Variants in ASB3 observed in about 807,000 individuals in gnomAD.
ASB3 encodes the protein ankyrin repeat and SOCS box protein 3.
Under a neutral mutation model 54.5 loss-of-function variants are expected in ASB3, and 41 were observed. The observed-to-expected ratio is 0.75, with a 90% CI of 0.59 to 0.98. The LOEUF is 0.98. ASB3 is among the 50% of genes least tolerant of loss of function. The pLI is 0.00. For missense variants in ASB3, 733 were observed against 620.0 expected, an observed-to-expected ratio of 1.18 and a Z score of -1.94; for synonymous variants, 266 against 221.2, an observed-to-expected ratio of 1.20 and a Z score of -1.80.
At chr2:53,778,900 C>A (rs1363240445) in intron 1 of ASB3, among the ~76,000 whole-genome samples, 1 of 152,140 alleles carries the variant, frequency 6.6e-6, no homozygotes, top group Non-Finnish European at 1.5e-5. Flanking sequence ...TAGGTAAATA[C>A]CCAGAAGTTG....
chr2:53,717,518 TGAAA>T (rs1417620541), intron 5 of ASB3, among the ~76,000 whole-genome samples: 2 of 151,634 alleles, frequency 1.3e-5, no homozygotes, highest in African/African-American at 4.8e-5. Context: ...AATATTATAG[TGAAA>T]GAAAGAAAAA....
intron 3 of ASB3, among the ~76,000 whole-genome samples, chr2:53,740,162 ATC>A (rs1262566920): frequency 4.6e-5 from 7 of 152,224 alleles, no homozygotes; most frequent in African/African-American, 1.7e-4. Context: ...TTTTAATGGT[ATC>A]TCTACTTTTT....
intron 3 of ASB3, among the ~76,000 whole-genome samples, chr2:53,738,539 A>G (rs1199369906): frequency 6.6e-6 from 1 of 152,224 alleles, no homozygotes; most frequent in East Asian, 1.9e-4. Context: ...ATCATAAGGG[A>G]CAATGTAGAT....
At chr2:53,753,139 T>C (rs1426701761) in intron 2 of ASB3, among the ~76,000 whole-genome samples, 2 of 152,094 alleles carry the variant, frequency 1.3e-5, no homozygotes, top group Non-Finnish European at 2.9e-5. Flanking sequence ...TACAAATATA[T>C]GTCATAACCA....
chr2:53,778,493 TC>T (rs1352729768), intron 1 of ASB3, among the ~76,000 whole-genome samples: 1 of 152,152 alleles, frequency 6.6e-6, no homozygotes, highest in Non-Finnish European at 1.5e-5. Flanking sequence ...GTGCAACATA[TC>T]TCAAAGAAAA....
intron 7 of ASB3, among the ~76,000 whole-genome samples, chr2:53,712,704 A>G (rs1378702903): frequency 6.6e-6 from 1 of 152,154 alleles, no homozygotes; most frequent in East Asian, 1.9e-4. Context: ...TTGTTCATCC[A>G]AAAGATAAGA....
At chr2:53,746,620 A>G (rs964948841) in intron 3 of ASB3, among the ~76,000 whole-genome samples, 1 of 151,988 alleles carries the variant, frequency 6.6e-6, no homozygotes, top group African/African-American at 2.4e-5. Context: ...CTCAGATTAC[A>G]GGCATGTGCC....
intron 3 of ASB3, among the ~76,000 whole-genome samples, chr2:53,732,933 C>A (rs1170495496): frequency 6.6e-6 from 1 of 152,190 alleles, no homozygotes. Flanking sequence ...GAAGAGGAGA[C>A]CCATAACTGT....
intron 2 of ASB3, among the ~76,000 whole-genome samples, chr2:53,762,450 A>G (rs995378600): frequency 6.6e-6 from 1 of 152,222 alleles, no homozygotes; most frequent in East Asian, 1.9e-4. Context: ...GCTGTGCTAC[A>G]ATGATTTATT....
intron 3 of ASB3, among the ~76,000 whole-genome samples, chr2:53,743,164 CTTTTTT>C (rs60857484): frequency 1.7e-5 from 2 of 117,852 alleles, no homozygotes; most frequent in Non-Finnish European, 3.5e-5. Context: ...ATTTTTTTAC[CTTTTTT>C]TTTTTTTTTT....
At chr2:53,682,376 G>A (rs1572835261) in intron 9 of ASB3, among the ~76,000 whole-genome samples, 1 of 152,050 alleles carries the variant, frequency 6.6e-6, no homozygotes, top group East Asian at 1.9e-4. Flanking sequence ...TTTCATTGTA[G>A]AGATCTCTCA....
chr2:53,686,232 G>T (rs1378214317), intron 9 of ASB3, among the ~76,000 whole-genome samples: 3 of 152,198 alleles, frequency 2.0e-5, no homozygotes, highest in African/African-American at 7.2e-5. Flanking sequence ...CTTCTGGATG[G>T]TTATTTTAAT....
intron 9 of ASB3, among the ~76,000 whole-genome samples, chr2:53,690,590 T>C (rs1200541102): frequency 1.3e-5 from 2 of 151,904 alleles, no homozygotes; most frequent in Non-Finnish European, 2.9e-5. Flanking sequence ...CCCAGTCACC[T>C]AGTGTCATTG....
intron 9 of ASB3, among the ~76,000 whole-genome samples, chr2:53,693,279 TTTTC>T (rs1420585154): frequency 1.3e-5 from 2 of 152,176 alleles, no homozygotes; most frequent in Non-Finnish European, 2.9e-5. Flanking sequence ...CCCCACTGTG[TTTTC>T]TTTCATTTTT....
At position 53,768,833 on chromosome 2, in the gene ASB3, G is replaced by A. The variant is rs143691224; in HGVS notation, c.-13-3248C>T. Among the ~76,000 whole-genome samples the A allele has an allele frequency of 2.6e-5, 4 of 152,268 alleles. No individual in the cohort carries two copies. In the East Asian group the frequency reaches 7.7e-4, roughly 29 times the overall value. On this transcript the variant is annotated intron_variant, in intron 1 of 9. Coordinates refer to ENST00000263634, the MANE Select transcript of ASB3 (RefSeq NM_016115.5). ...TGCTTATGCAAATCAGCTTTGTACT[G>A]GCTACAAAACAACTAATCCATAAAG...
At chr2:53,720,649 C>A (rs1670654127) in intron 5 of ASB3, among the ~76,000 whole-genome samples, 1 of 152,108 alleles carries the variant, frequency 6.6e-6, no homozygotes, top group African/African-American at 2.4e-5. Context: ...GATGTCAAAT[C>A]CCATTGACAG....
intron 5 of ASB3, among the ~76,000 whole-genome samples, chr2:53,727,954 G>C (rs944486641): frequency 1.3e-5 from 2 of 152,034 alleles, no homozygotes; most frequent in Non-Finnish European, 2.9e-5. Flanking sequence ...TCAAACTCCT[G>C]ATCTCAAGTG....
Position 53,743,293 on chromosome 2 carries a change from C to T in ASB3, c.355+7490G>A, listed in dbSNP as rs1040987336. On this transcript the variant is annotated intron_variant, in intron 3 of 9. Transcript: ENST00000263634. ...GTGCTGGGAATACACGCGTGAGCAACAGCGCCCAGCCAAATTATTCAATTT... is the reference window on the plus strand; with the variant it reads ...GTGCTGGGAATACACGCGTGAGCAATAGCGCCCAGCCAAATTATTCAATTT... 4.6e-5 allele frequency among the ~76,000 whole-genome samples: 7 copies of T among 151,352 alleles called. No individual in the cohort carries two copies. In the Admixed American group the frequency reaches 4.6e-4, roughly 10 times the overall value.
intron 1 of ASB3, chr2:53,767,359 T>C (rs1187574727): frequency 9.2e-5 from 14 of 152,294 alleles, no homozygotes; most frequent in Admixed American, 9.2e-4. Context: ...AAATCAAATA[T>C]GAATTACATT....
Sources: allele counts gnomAD v4.1 joint callset (sites outside exome capture counted in the v4.1 genomes callset), GRCh38; gene constraint gnomAD v4.1.1; transcripts MANE v1.5; gene names NCBI Gene and HGNC (gene_info 2026-07-23, HGNC 2026-07-21).